Variants in CRADD observed in about 807,000 individuals in gnomAD.
CRADD encodes death domain-containing protein CRADD.
A neutral mutation model predicts 15.5 loss-of-function variants in CRADD; 9 were observed. The ratio of observed to expected loss-of-function variants is 0.58; its 90% CI spans 0.35 to 1.01. CRADD has a LOEUF of 1.01. Ranked by LOEUF, CRADD falls within the 50% of genes least tolerant of loss-of-function variation. The pLI is 0.02. For missense variants in CRADD, 227 were observed against 250.3 expected, an observed-to-expected ratio of 0.91 and a Z score of 0.63; for synonymous variants, 118 against 107.6, an observed-to-expected ratio of 1.10 and a Z score of -0.60.
At chr12:93,783,700 C>CT (rs960701454) in intron 2 of CRADD, among the ~76,000 whole-genome samples, 1 of 152,094 alleles carries the variant, frequency 6.6e-6, no homozygotes, top group African/African-American at 2.4e-5. Flanking sequence ...ATTTGATAAT[C>CT]TTTTTTGTTA....
At chr12:93,853,836 G>A (rs747170366), downstream of CRADD, among the ~76,000 whole-genome samples, 4 of 152,172 alleles carry the variant, frequency 2.6e-5, 1 homozygote, top group Admixed American at 2.0e-4. Flanking sequence ...ATTCGCTGCC[G>A]TCATTTTCAA....
downstream of CRADD, among the ~76,000 whole-genome samples, chr12:93,851,317 C>T (rs1174078494): frequency 2.6e-5 from 4 of 152,154 alleles, no homozygotes; most frequent in East Asian, 7.7e-4. Context: ...GCTCCTGAGC[C>T]TTTCCAACTG....
chr12:93,787,275 C>T (rs561256114), intron 2 of CRADD, among the ~76,000 whole-genome samples: 20 of 144,768 alleles, frequency 1.4e-4, no homozygotes, highest in South Asian at 2.2e-4. Context: ...TCGTTAAAAA[C>T]GAGCCAGGAC....
At chr12:93,794,789 C>G (rs1235975747) in intron 2 of CRADD, among the ~76,000 whole-genome samples, 1 of 152,186 alleles carries the variant, frequency 6.6e-6, no homozygotes, top group East Asian at 1.9e-4. Flanking sequence ...GATGTACCTG[C>G]TGCCTATGTC....
At position 93,787,303 on chromosome 12, in the gene CRADD, G is replaced by A. The variant is rs144761515; in HGVS notation, c.299-62667G>A. Among the ~76,000 whole-genome samples, 708 of 114,806 alleles carry A rather than the reference G, an allele frequency of 6.2e-3. 10 individuals are homozygous for A. The highest frequency in any genetic ancestry group is 0.022 in the African/African-American group (683 of 31,634). The allele number at this position is 114,806 out of a possible 152,430, so 75.3% of individuals were successfully genotyped here. A position where few individuals can be genotyped will look rare whatever the true frequency, so the allele number is the denominator to read the frequency against. On this transcript the variant is annotated intron_variant, in intron 2 of 2. Coordinates refer to ENST00000332896, the MANE Select transcript of CRADD (RefSeq NM_003805.5). The stretch of plus-strand genomic sequence containing the variant: ...GCCAGGACTGTAAAGTAGTATGACA[G>A]GGTTTTTTTTTTTTTTTTTTTTTTT...
intron 2 of CRADD, among the ~76,000 whole-genome samples, chr12:93,883,897 T>A (rs552603646): frequency 6.6e-6 from 1 of 152,016 alleles, no homozygotes; most frequent in Non-Finnish European, 1.5e-5. Flanking sequence ...ATAAAGACAA[T>A]GAAGGGTACG....
chr12:93,757,499 C>T (rs1348626694), intron 2 of CRADD, among the ~76,000 whole-genome samples: 1 of 152,236 alleles, frequency 6.6e-6, no homozygotes, highest in East Asian at 1.9e-4. Context: ...TGTTTCATCT[C>T]TCCCATCTCT....
intron 2 of CRADD, among the ~76,000 whole-genome samples, chr12:93,711,055 C>CCCCCCCCT: frequency 3.9e-4 from 17 of 43,498 alleles, no homozygotes; most frequent in African/African-American, 8.5e-4. Flanking sequence ...CCACCCCCGC[C>CCCCCCCCT]TTTTTTTTTT....
chr12:93,710,264 T>C (rs73359700), intron 2 of CRADD, among the ~76,000 whole-genome samples: 6,348 of 152,136 alleles, frequency 0.042, 421 homozygotes, highest in African/African-American at 0.14. Context: ...TTTCCCCTGG[T>C]ATCTAGACCA....
At chr12:93,881,118 G>A (rs1055064895) in intron 2 of CRADD, among the ~76,000 whole-genome samples, 3 of 152,156 alleles carry the variant, frequency 2.0e-5, no homozygotes, top group Admixed American at 6.5e-5. Flanking sequence ...TAACCAAGTA[G>A]CTACACTGTC....
intron 2 of CRADD, among the ~76,000 whole-genome samples, chr12:93,773,025 T>G (rs1465281709): frequency 1.3e-5 from 2 of 152,196 alleles, no homozygotes; most frequent in Admixed American, 1.3e-4. Context: ...CTGTGCCACT[T>G]TGAAGCAGTA....
chr12:93,731,468 T>TGTTA (rs1240525055), intron 2 of CRADD, among the ~76,000 whole-genome samples: 27 of 152,340 alleles, frequency 1.8e-4, no homozygotes, highest in Admixed American at 1.8e-3. Flanking sequence ...ATTTCCCACA[T>TGTTA]GTTAGTCCAA....
intron 2 of CRADD, among the ~76,000 whole-genome samples, chr12:93,709,501 G>GA (rs1268910146): frequency 6.6e-6 from 1 of 152,188 alleles, no homozygotes; most frequent in Non-Finnish European, 1.5e-5. Context: ...TAAAAAGTGA[G>GA]AACATGCAGT....
chr12:93,704,036 G>A (rs1955894616), intron 2 of CRADD, among the ~76,000 whole-genome samples: 1 of 139,900 alleles, frequency 7.1e-6, no homozygotes, highest in Admixed American at 7.6e-5. Context: ...ACCCAGGCTG[G>A]TCTTGAACTC....
rs1038679182 is a variant in CRADD, at chr12:93,788,359, G to A, written c.299-61611G>A. 2.6e-5 allele frequency among the ~76,000 whole-genome samples: 4 copies of A among 152,086 alleles called. No individual in the cohort carries two copies. In the East Asian group the frequency reaches 7.7e-4, roughly 29 times the overall value. ...TGGAGGAAACCATCCTCATGATTCA[G>A]TTATCTCCACCTTGTCCCTCTCATG... On this transcript the variant is annotated intron_variant, in intron 2 of 2. Coordinates refer to ENST00000332896, the MANE Select transcript of CRADD (RefSeq NM_003805.5).
chr12:93,819,131 A>C (rs1272787905), intron 2 of CRADD, among the ~76,000 whole-genome samples: 1 of 152,168 alleles, frequency 6.6e-6, no homozygotes, highest in Admixed American at 6.5e-5. Context: ...TATTATCCCT[A>C]CTTGGCCCGC....
At chr12:93,865,175 G>T (rs1242413796) in intron 2 of CRADD, among the ~76,000 whole-genome samples, 4 of 152,110 alleles carry the variant, frequency 2.6e-5, no homozygotes, top group Non-Finnish European at 5.9e-5. Flanking sequence ...CTTGCTATGG[G>T]CAGCACAGAA....
chr12:93,874,857 A>G (rs1014371698), intron 2 of CRADD, among the ~76,000 whole-genome samples: 31 of 152,074 alleles, frequency 2.0e-4, no homozygotes, highest in Admixed American at 3.9e-4. Context: ...ATCCTTCAGA[A>G]TGATCAATGT....
At chr12:93,873,963 T>C (rs1315970264) in intron 2 of CRADD, among the ~76,000 whole-genome samples, 1 of 152,082 alleles carries the variant, frequency 6.6e-6, no homozygotes, top group Non-Finnish European at 1.5e-5. Context: ...CCTTGTAGAA[T>C]GAGTTTGGAA....
Sources: gnomAD v4.1 joint callset for allele counts (sites outside exome capture counted in the v4.1 genomes callset) on GRCh38, gnomAD v4.1.1 for gene constraint, MANE v1.5 for transcripts, NCBI Gene and HGNC (gene_info 2026-07-23, HGNC 2026-07-21) for gene names.